The following CDK6 variants were observed in gnomAD, a reference collection of about 807,000 sequenced individuals.
CDK6 encodes cyclin dependent kinase 6, also known as cyclin-dependent kinase 6.
CDK6 carries 6 observed loss-of-function variants against 37.1 expected under a neutral mutation model. The ratio of observed to expected loss-of-function variants is 0.16; its 90% CI spans 0.09 to 0.32. The LOEUF (loss-of-function observed/expected upper bound fraction) is 0.32, where lower values mean the gene tolerates loss of function less well. Among genes scored for constraint, CDK6 ranks in the 10% least tolerant of loss-of-function variants. The pLI is 1.00. For synonymous variants in CDK6, 160 were observed against 161.3 expected (o/e 0.99, Z 0.06); for missense variants, 224 against 418.9 (o/e 0.53, Z 4.06).
intron 5 of CDK6, among the ~76,000 whole-genome samples, chr7:92,649,738 T>C (rs1796531129): frequency 6.6e-6 from 1 of 152,196 alleles, no homozygotes; most frequent in African/African-American, 2.4e-5. Flanking sequence ...GTGGAAGAGC[T>C]AGGATTTAAA....
intron 3 of CDK6, among the ~76,000 whole-genome samples, chr7:92,749,622 T>G (rs1799143008): frequency 6.6e-6 from 1 of 152,200 alleles, no homozygotes; most frequent in African/African-American, 2.4e-5. Context: ...CCTCTGAACC[T>G]CTTTTCCACT....
At chr7:92,698,224 G>C (rs1245073949) in intron 4 of CDK6, among the ~76,000 whole-genome samples, 2 of 152,176 alleles carry the variant, frequency 1.3e-5, no homozygotes, top group Non-Finnish European at 2.9e-5. Context: ...TATTGCAATA[G>C]AATTATTAGG....
At chr7:92,822,137 A>G (rs1584121177) in intron 2 of CDK6, among the ~76,000 whole-genome samples, 1 of 152,102 alleles carries the variant, frequency 6.6e-6, no homozygotes, top group Non-Finnish European at 1.5e-5. Context: ...ATCTTAAACC[A>G]TGTTCACAAA....
In CDK6 at chr7:92,645,202, A is replaced by G. The variant is rs528445860; in HGVS notation, c.648-22116T>C. ...CAGCTCTCATCAGTTTTTAAGCCGT[A>G]TTACAGCTCCCAGGCTTTTAGGATA... On this transcript the variant is annotated intron_variant, in intron 5 of 7. Coordinates refer to ENST00000424848, the MANE Select transcript of CDK6 (RefSeq NM_001145306.2). Among the ~76,000 whole-genome samples the G allele has an allele frequency of 1.2e-4, 19 of 152,354 alleles. No homozygotes were observed. The South Asian group carries it at 3.9e-3, about 32-fold the overall frequency.
chr7:92,781,762 C>T (rs1412137620), intron 2 of CDK6, among the ~76,000 whole-genome samples: 4 of 152,218 alleles, frequency 2.6e-5, no homozygotes, highest in African/African-American at 9.6e-5. Context: ...TACCTAAGGG[C>T]CACAACAAAA....
intron 2 of CDK6, among the ~76,000 whole-genome samples, chr7:92,787,235 A>C: frequency 6.6e-6 from 1 of 150,744 alleles, no homozygotes; most frequent in African/African-American, 2.4e-5. Flanking sequence ...TTTCTGGGTG[A>C]TAAGATTTTG....
chr7:92,614,731 G>GCA lies in CDK6; in HGVS notation c.*407_*408dup, dbSNP rs1795636675. ...CACACACACACACACACACACACAT[G>GCA]CACACACACACTCAAAAGTACCAAA... is the stretch of plus-strand genomic sequence containing the variant. On this transcript the variant is annotated 3_prime_UTR_variant, in exon 8 of 8. Coordinates refer to ENST00000424848, the MANE Select transcript of CDK6 (RefSeq NM_001145306.2). The GCA allele has an allele frequency of 3.8e-5, 10 of 265,926 alleles. No individual in the cohort carries two copies. Among genetic ancestry groups the GCA allele is most frequent in the Non-Finnish European group, 5.7e-5 (8 of 141,500 alleles). The allele number at this position is 265,926 out of a possible 1,614,324, so 16.5% of individuals were successfully genotyped here.
intron 4 of CDK6, among the ~76,000 whole-genome samples, chr7:92,718,236 A>C (rs1798278114): frequency 6.6e-6 from 1 of 152,166 alleles, no homozygotes; most frequent in South Asian, 2.1e-4. Flanking sequence ...AGATGTTGAG[A>C]GGGGAAGGAG....
chr7:92,822,813 G>A (rs1214720321), intron 2 of CDK6, among the ~76,000 whole-genome samples: 1 of 152,082 alleles, frequency 6.6e-6, no homozygotes, highest in African/African-American at 2.4e-5. Context: ...ATAAGCACTG[G>A]TTTGAGGGTT....
At chr7:92,662,694 G>A (rs1455130433) in intron 5 of CDK6, among the ~76,000 whole-genome samples, 1 of 152,086 alleles carries the variant, frequency 6.6e-6, no homozygotes, top group Admixed American at 6.5e-5. Context: ...CTGTCTCCAC[G>A]TATTTGCAAA....
At chr7:92,672,038 T>C (rs1797082025) in intron 4 of CDK6, among the ~76,000 whole-genome samples, 1 of 149,798 alleles carries the variant, frequency 6.7e-6, no homozygotes, top group Non-Finnish European at 1.5e-5. Flanking sequence ...GGGTAAAATG[T>C]ACACTACCTG....
intron 4 of CDK6, among the ~76,000 whole-genome samples, chr7:92,712,781 G>A (rs1436222924): frequency 6.6e-6 from 1 of 152,058 alleles, no homozygotes; most frequent in Non-Finnish European, 1.5e-5. Flanking sequence ...GCATGACAGT[G>A]GACAGTTTGG....
intron 5 of CDK6, among the ~76,000 whole-genome samples, chr7:92,649,320 A>C (rs1242187927): frequency 6.6e-6 from 1 of 152,224 alleles, no homozygotes; most frequent in Non-Finnish European, 1.5e-5. Flanking sequence ...GACTGCTATA[A>C]TGCCAACATT....
intron 4 of CDK6, among the ~76,000 whole-genome samples, chr7:92,687,673 A>G (rs1219969776): frequency 6.6e-6 from 1 of 152,178 alleles, no homozygotes; most frequent in Non-Finnish European, 1.5e-5. Context: ...TTATTTATCT[A>G]TTTATACTGA....
intron 3 of CDK6, among the ~76,000 whole-genome samples, chr7:92,764,951 T>C (rs1799544034): frequency 6.6e-6 from 1 of 152,218 alleles, no homozygotes; most frequent in Non-Finnish European, 1.5e-5. Context: ...TCTAGTAGAA[T>C]GGTCCTTTTT....
chr7:92,677,826 T>G (rs1797242058), intron 4 of CDK6, among the ~76,000 whole-genome samples: 2 of 152,196 alleles, frequency 1.3e-5, no homozygotes, highest in Admixed American at 1.3e-4. Context: ...TTATGACAAC[T>G]TCTGTAATTT....
chr7:92,708,116 C>T (rs775287068), intron 4 of CDK6, among the ~76,000 whole-genome samples: 19 of 152,122 alleles, frequency 1.2e-4, no homozygotes, highest in Admixed American at 4.6e-4. Context: ...AAATTTGACG[C>T]TTTTCTTTAC....
At chr7:92,737,478 C>G (rs1254789384) in intron 3 of CDK6, among the ~76,000 whole-genome samples, 1 of 152,134 alleles carries the variant, frequency 6.6e-6, no homozygotes, top group Non-Finnish European at 1.5e-5. Flanking sequence ...TTCCCTATAC[C>G]TGGACAGATT....
chr7:92,791,482 T>C (rs1016219593), intron 2 of CDK6, among the ~76,000 whole-genome samples: 1 of 152,146 alleles, frequency 6.6e-6, no homozygotes, highest in East Asian at 1.9e-4. Flanking sequence ...TCACAGATGA[T>C]GGAAAATTGG....
Sources: allele counts gnomAD v4.1 joint callset (sites outside exome capture counted in the v4.1 genomes callset), GRCh38; gene constraint gnomAD v4.1.1; transcripts MANE v1.5; gene names NCBI Gene and HGNC (gene_info 2026-07-23, HGNC 2026-07-21).